The following CNTLN variants were observed in gnomAD, a reference collection of about 807,000 sequenced individuals.
CNTLN encodes centlein.
A neutral mutation model predicts 180.0 loss-of-function variants in CNTLN; 212 were observed. That is an observed-to-expected ratio of 1.18 (90% confidence interval 1.05 to 1.32). The LOEUF (loss-of-function observed/expected upper bound fraction) is 1.32. Among genes scored for constraint, CNTLN ranks in the 40% most tolerant of loss-of-function variants. The probability of loss-of-function intolerance (pLI) is 0.00; values close to 1 mark genes in which losing one functional copy is unlikely to be tolerated. For synonymous variants in CNTLN, 722 were observed against 563.1 expected (o/e 1.28, Z -3.99); for missense variants, 2,095 against 1,610.9 (o/e 1.30, Z -5.14).
intron 2 of CNTLN, among the ~76,000 whole-genome samples, chr9:17,208,066 G>A (rs190382253): frequency 7.2e-5 from 11 of 152,162 alleles, no homozygotes; most frequent in African/African-American, 2.7e-4. Context: ...AAGACTTACA[G>A]TTTTTCCACA....
At chr9:17,482,925 A>G (rs1162852274) in intron 23 of CNTLN, among the ~76,000 whole-genome samples, 1 of 152,090 alleles carries the variant, frequency 6.6e-6, no homozygotes, top group Admixed American at 6.5e-5. Context: ...AAAAAGTAGC[A>G]AAAAAATTGT....
intron 13 of CNTLN, among the ~76,000 whole-genome samples, chr9:17,374,612 C>T (rs1824598448): frequency 6.6e-6 from 1 of 152,096 alleles, no homozygotes; most frequent in Non-Finnish European, 1.5e-5. Context: ...TATAATCCCA[C>T]ACTTTGGGAG....
At chr9:17,469,931 A>C (rs1831964879) in intron 23 of CNTLN, among the ~76,000 whole-genome samples, 1 of 151,896 alleles carries the variant, frequency 6.6e-6, no homozygotes, top group Admixed American at 6.6e-5. Flanking sequence ...ACATAAGCGA[A>C]GTGAGAATTT....
chr9:17,201,282 G>A (rs1314635837), intron 2 of CNTLN, among the ~76,000 whole-genome samples: 1 of 152,166 alleles, frequency 6.6e-6, no homozygotes, highest in African/African-American at 2.4e-5. Flanking sequence ...AAGGACATTG[G>A]CCTGAAATTT....
intron 5 of CNTLN, among the ~76,000 whole-genome samples, chr9:17,268,059 G>C (rs974151987): frequency 4.6e-5 from 7 of 152,138 alleles, no homozygotes; most frequent in Admixed American, 2.0e-4. Context: ...TCTCCATCCA[G>C]CTTTGTTCCG....
intron 2 of CNTLN, among the ~76,000 whole-genome samples, chr9:17,150,919 A>G (rs1818822862): frequency 6.6e-6 from 1 of 152,088 alleles, no homozygotes; most frequent in African/African-American, 2.4e-5. Context: ...GCAGTTGTGA[A>G]TGGGAGTTCA....
the CNTLN span, among the ~76,000 whole-genome samples, chr9:17,518,207 C>G: frequency 1.3e-5 from 2 of 151,676 alleles, no homozygotes; most frequent in South Asian, 4.2e-4. Context: ...ACCACCACAC[C>G]CAGCTAATTT....
chr9:17,518,737 G>A, the CNTLN span, among the ~76,000 whole-genome samples: 3 of 152,246 alleles, frequency 2.0e-5, no homozygotes, highest in African/African-American at 7.2e-5. Flanking sequence ...CCTTCCAGTA[G>A]AAGCTTTGAG....
chr9:17,427,484 A>G (rs996265031), intron 18 of CNTLN, among the ~76,000 whole-genome samples: 1 of 152,126 alleles, frequency 6.6e-6, no homozygotes, highest in Non-Finnish European at 1.5e-5. Context: ...TTTCATGAGT[A>G]AAGAGTACAG....
Position 17,268,394 on chromosome 9 carries a change from G to A in CNTLN, c.850-5339G>A, listed in dbSNP as rs530182577. On this transcript the variant is annotated intron_variant, in intron 5 of 25. Transcript: ENST00000380647. The stretch of plus-strand genomic sequence containing the variant: ...ATGCTGCTGCCTGATCGTTCCTCTG[G>A]AAGTTTTGTCTCAGAGGAGTACCTG... Among the ~76,000 whole-genome samples the A allele has an allele frequency of 1.2e-4, 18 of 152,268 alleles. No individual in the cohort carries two copies. In the South Asian group the frequency reaches 3.7e-3, roughly 32 times the overall value.
chr9:17,222,784 A>G (rs1319616051), intron 2 of CNTLN, among the ~76,000 whole-genome samples: 1 of 151,976 alleles, frequency 6.6e-6, no homozygotes, highest in Non-Finnish European at 1.5e-5. Context: ...CCTTTCTACT[A>G]AATTCTATTC....
intron 18 of CNTLN, among the ~76,000 whole-genome samples, chr9:17,439,985 C>G (rs190423732): frequency 1.3e-5 from 2 of 152,224 alleles, no homozygotes; most frequent in East Asian, 1.9e-4. Context: ...GCAGCCCAAA[C>G]TAAGACACCC....
At chr9:17,372,615 A>C (rs574120683) in intron 13 of CNTLN, among the ~76,000 whole-genome samples, 1 of 152,286 alleles carries the variant, frequency 6.6e-6, no homozygotes, top group South Asian at 2.1e-4. Context: ...AATACTTTCA[A>C]ACTCATTCTA....
intron 2 of CNTLN, among the ~76,000 whole-genome samples, chr9:17,201,213 T>C (rs1020917719): frequency 1.1e-4 from 17 of 152,222 alleles, no homozygotes; most frequent in African/African-American, 4.1e-4. Context: ...GCTTTTTTGA[T>C]GTGCTGCTGT....
intron 15 of CNTLN, among the ~76,000 whole-genome samples, chr9:17,396,520 T>C (rs946738205): frequency 1.8e-4 from 27 of 152,200 alleles, no homozygotes; most frequent in Non-Finnish European, 3.4e-4. Context: ...TCCCTAGTTT[T>C]TTATTTTGTT....
intron 2 of CNTLN, among the ~76,000 whole-genome samples, chr9:17,225,532 A>G (rs1824411653): frequency 6.6e-6 from 1 of 152,080 alleles, no homozygotes; most frequent in African/African-American, 2.4e-5. Flanking sequence ...TATTTATAAT[A>G]TAAATTGACT....
At chr9:17,172,982 A>G (rs985034439) in intron 2 of CNTLN, among the ~76,000 whole-genome samples, 2 of 152,314 alleles carry the variant, frequency 1.3e-5, no homozygotes, top group Admixed American at 6.5e-5. Flanking sequence ...AATAATGGTT[A>G]TATCCTGTTG....
chr9:17,260,388 A>G (rs1390390024), intron 5 of CNTLN, among the ~76,000 whole-genome samples: 1 of 151,288 alleles, frequency 6.6e-6, no homozygotes, highest in Non-Finnish European at 1.5e-5. Context: ...GGAGAGCTTT[A>G]CTTCCAAATA....
At chr9:17,332,511 A>C in intron 9 of CNTLN, 94 bp from the exon 10 acceptor site, 1 of 1,159,504 alleles carries the variant, frequency 8.6e-7, no homozygotes, top group Admixed American at 2.7e-5. Context: ...ATAATTCATT[A>C]TTAGTATTCA....
Sources: gnomAD v4.1 joint callset for allele counts (sites outside exome capture counted in the v4.1 genomes callset) on GRCh38, gnomAD v4.1.1 for gene constraint, MANE v1.5 for transcripts, NCBI Gene and HGNC (gene_info 2026-07-23, HGNC 2026-07-21) for gene names.